Variants in ZFTRAF1 observed in about 807,000 individuals in gnomAD.
ZFTRAF1 encodes zinc finger TRAF-type and ring finger containing 1, also known as zinc finger TRAF-type-containing protein 1.
the ZFTRAF1 span, chr8:144,452,126 C>T: frequency 1.7e-6 from 1 of 588,034 alleles, no homozygotes; most frequent in Non-Finnish European, 3.1e-6. Flanking sequence ...GGCGGGGCTG[C>T]TGTGAGAGCC....
At chr8:144,451,533 T>C in the ZFTRAF1 span, 1 of 153,246 alleles carries the variant, frequency 6.5e-6, no homozygotes, top group Non-Finnish European at 1.5e-5. Context: ...CGGGCCCACA[T>C]CCCGCTGGGC....
chr8:144,453,493 G>A, the ZFTRAF1 span: 2 of 1,527,264 alleles, frequency 1.3e-6, no homozygotes, highest in South Asian at 1.2e-5. Flanking sequence ...GAAGCTCACA[G>A]ACCTGCGGGC....
At chr8:144,450,102 G>A in the ZFTRAF1 span, 5 of 449,216 alleles carry the variant, frequency 1.1e-5, no homozygotes, top group East Asian at 4.0e-5. Context: ...TGCTGCCACC[G>A]TCTCTGAGCC....
At chr8:144,462,190 G>A in the ZFTRAF1 span, 15 of 441,064 alleles carry the variant, frequency 3.4e-5, no homozygotes, top group Non-Finnish European at 6.0e-5. Context: ...GGGCCCCGCA[G>A]GCCTGGCCTC....
the ZFTRAF1 span, among the ~76,000 whole-genome samples, chr8:144,459,121 G>A: frequency 1.3e-5 from 2 of 152,360 alleles, no homozygotes; most frequent in South Asian, 2.1e-4. Context: ...TCAGGGATGA[G>A]GCTGCGGCTG....
At chr8:144,456,899 G>A in the ZFTRAF1 span, 6 of 150,842 alleles carry the variant, frequency 4.0e-5, no homozygotes, top group Non-Finnish European at 1.5e-5. Flanking sequence ...TGACATCACA[G>A]AGATGACATC....
the ZFTRAF1 span, chr8:144,453,337 G>A: frequency 5.2e-6 from 8 of 1,551,152 alleles, no homozygotes; most frequent in Admixed American, 2.0e-5. Context: ...GCCAGGTTCC[G>A]GCAGCAGAGG....
the ZFTRAF1 span, among the ~76,000 whole-genome samples, chr8:144,460,994 T>C: frequency 6.6e-6 from 1 of 151,728 alleles, no homozygotes; most frequent in Admixed American, 6.6e-5. Flanking sequence ...AGCCAAGGAG[T>C]AACTGCTAAC....
chr8:144,450,030 C>A, the ZFTRAF1 span: 1 of 323,352 alleles, frequency 3.1e-6, no homozygotes, highest in Non-Finnish European at 5.9e-6. Flanking sequence ...AGGGATGGAG[C>A]AGCACCGCCG....
chr8:144,450,542 T>C, the ZFTRAF1 span: 1 of 718,188 alleles, frequency 1.4e-6, no homozygotes, highest in Non-Finnish European at 2.6e-6. Flanking sequence ...CCTCACGTCG[T>C]CGTAGGGGCC....
the ZFTRAF1 span, chr8:144,452,481 G>C: frequency 6.5e-7 from 1 of 1,547,582 alleles, no homozygotes; most frequent in Non-Finnish European, 8.7e-7. Context: ...TGTCTTGGTC[G>C]GGTGGGCGCA....
chr8:144,462,512 G>T, the ZFTRAF1 span: 1 of 164,708 alleles, frequency 6.1e-6, no homozygotes, highest in South Asian at 1.6e-4. Context: ...CCCAGGCCCC[G>T]CCGCCTCGCC....
the ZFTRAF1 span, chr8:144,453,735 C>G: frequency 2.6e-6 from 1 of 386,378 alleles, no homozygotes; most frequent in African/African-American, 2.0e-5. Flanking sequence ...CTGGCAGTGA[C>G]GGGTTCAGCC....
At chr8:144,458,549 T>G in the ZFTRAF1 span, among the ~76,000 whole-genome samples, 11 of 152,168 alleles carry the variant, frequency 7.2e-5, no homozygotes, top group African/African-American at 2.4e-4. Flanking sequence ...CTGCACACTG[T>G]TGGCCTGGTT....
At chr8:144,452,084 GGAT>G in the ZFTRAF1 span, 1 of 502,400 alleles carries the variant, frequency 2.0e-6, no homozygotes, top group Non-Finnish European at 3.7e-6. Flanking sequence ...CACCTTGCAG[GGAT>G]GGTGAAGCCA....
the ZFTRAF1 span, among the ~76,000 whole-genome samples, chr8:144,459,185 G>A: frequency 6.6e-6 from 1 of 152,244 alleles, no homozygotes; most frequent in Admixed American, 6.5e-5. Context: ...TGCCCCATGG[G>A]CAGAGGTGCC....
the ZFTRAF1 span, among the ~76,000 whole-genome samples, chr8:144,459,616 C>T: frequency 3.3e-5 from 5 of 152,354 alleles, no homozygotes; most frequent in East Asian, 9.7e-4. Context: ...GGCTTCCCTG[C>T]CAGCACTGGT....
the ZFTRAF1 span, chr8:144,452,682 C>T: frequency 3.2e-5 from 33 of 1,026,438 alleles, no homozygotes; most frequent in Admixed American, 3.1e-4. Context: ...GCAGGACACA[C>T]GTAACTGTGA....
At chr8:144,461,283 G>GT in the ZFTRAF1 span, among the ~76,000 whole-genome samples, 1 of 152,202 alleles carries the variant, frequency 6.6e-6, no homozygotes, top group Non-Finnish European at 1.5e-5. Context: ...TCCAGCTCCT[G>GT]TAAGTGTAAA....
Sources: gnomAD v4.1 joint callset for allele counts (sites outside exome capture counted in the v4.1 genomes callset) on GRCh38, gnomAD v4.1.1 for gene constraint, MANE v1.5 for transcripts, NCBI Gene and HGNC (gene_info 2026-07-23, HGNC 2026-07-21) for gene names.